Variants in MCM9 observed in about 807,000 individuals in gnomAD.
The protein encoded by MCM9 is minichromosome maintenance 9 homologous recombination repair factor.
Under a neutral mutation model 72.8 loss-of-function variants are expected in MCM9, and 55 were observed. That is an observed-to-expected ratio of 0.76 (90% CI 0.61 to 0.95). MCM9 has a LOEUF of 0.95. MCM9 is among the 40% of genes least tolerant of loss of function. The pLI is 0.00. For synonymous variants in MCM9, 480 were observed against 503.4 expected, an observed-to-expected ratio of 0.95 and a Z score of 0.62; for missense variants, 1,279 against 1,377.0, an observed-to-expected ratio of 0.93 and a Z score of 1.13.
Position 118,826,825 on chromosome 6 carries a change from T to C in MCM9, c.1772A>G (p.Glu591Gly), listed in dbSNP as rs1774200475. The C allele has an allele frequency of 6.4e-7, 1 of 1,550,486 alleles. No individual in the cohort carries two copies. The highest frequency in any genetic ancestry group is 8.7e-7 in the Non-Finnish European group (1 of 1,146,924). Reference sequence around the variant, plus strand: ...GACTGACACCACCGTAATAGCGTCTTCCAGAGTTACAGTATCACGAAACAT... The same window carrying C: ...GACTGACACCACCGTAATAGCGTCTCCCAGAGTTACAGTATCACGAAACAT... ...RLMFRDTVTL[E>G]DAITVVSVME... Residue 591 changes from glutamate to glycine, a missense_variant, in exon 12 of 14, where the codon GAA becomes GGA. Glu to Gly is a moderately conservative substitution (Grantham distance 98, BLOSUM62 -2). Coordinates refer to ENST00000619706, the MANE Select transcript of MCM9 (RefSeq NM_017696.3).
At chr6:118,910,329 TTTGGG>T (rs1562434297) in intron 8 of MCM9, among the ~76,000 whole-genome samples, 1 of 152,130 alleles carries the variant, frequency 6.6e-6, no homozygotes, top group East Asian at 1.9e-4. Flanking sequence ...AGCGTGGCCC[TTTGGG>T]TAGACCAGAA....
At chr6:118,831,154 A>G (rs1468132182) in intron 9 of MCM9, among the ~76,000 whole-genome samples, 1 of 152,114 alleles carries the variant, frequency 6.6e-6, no homozygotes, top group Non-Finnish European at 1.5e-5. Flanking sequence ...GGAGTTTGAA[A>G]CCAGCCTAGT....
chr6:118,894,513 C>T (rs1274491480), intron 8 of MCM9: 3 of 1,536,916 alleles, frequency 2.0e-6, no homozygotes, highest in African/African-American at 2.7e-5. Context: ...CATCGAGGAC[C>T]TGTCTGAAGG....
chr6:118,911,436 G>T, intron 8 of MCM9: 2 of 1,282,760 alleles, frequency 1.6e-6, no homozygotes, highest in Non-Finnish European at 2.0e-6. Context: ...AATTGAATAG[G>T]ATTGTTCAAA....
chr6:118,911,364 T>G (rs1780532701), intron 8 of MCM9: 4 of 1,111,854 alleles, frequency 3.6e-6, no homozygotes, highest in Non-Finnish European at 4.4e-6. Context: ...CTTGATAAAA[T>G]GCCAGATGAT....
intron 4 of MCM9, among the ~76,000 whole-genome samples, chr6:118,923,350 C>T (rs1781595494): frequency 6.6e-6 from 1 of 151,326 alleles, no homozygotes; most frequent in East Asian, 1.9e-4. Flanking sequence ...GATGCATGAT[C>T]CATAGCTCAC....
chr6:118,838,812 G>A (rs1011664219), intron 9 of MCM9, among the ~76,000 whole-genome samples: 4 of 152,180 alleles, frequency 2.6e-5, no homozygotes, highest in African/African-American at 9.7e-5. Context: ...TTAGTCTGAT[G>A]GGTTTCCCTT....
chr6:118,834,099 T>C (rs947182470), intron 9 of MCM9, among the ~76,000 whole-genome samples: 1 of 152,068 alleles, frequency 6.6e-6, no homozygotes, highest in Non-Finnish European at 1.5e-5. Context: ...CACTTATAAG[T>C]GAGAACATGC....
intron 8 of MCM9, among the ~76,000 whole-genome samples, chr6:118,881,283 T>C (rs1397095491): frequency 6.6e-6 from 1 of 152,118 alleles, no homozygotes; most frequent in Admixed American, 6.5e-5. Flanking sequence ...CCCACCTTTT[T>C]CAATCCTGAC....
chr6:118,913,059 A>G (rs972072998), intron 7 of MCM9: 1 of 463,890 alleles, frequency 2.2e-6, no homozygotes. Flanking sequence ...CTTATAGGCT[A>G]TAGCAAAAGT....
intron 8 of MCM9, among the ~76,000 whole-genome samples, chr6:118,877,237 C>G (rs1777993333): frequency 6.6e-6 from 1 of 152,144 alleles, no homozygotes; most frequent in South Asian, 2.1e-4. Flanking sequence ...GCTGCCACAG[C>G]TGATGCACAT....
chr6:118,905,834 G>A (rs1341504353), intron 8 of MCM9: 8 of 1,575,200 alleles, frequency 5.1e-6, no homozygotes, highest in Non-Finnish European at 6.9e-6. Context: ...CTAAGGTAAT[G>A]TTCTTACTAT....
chr6:118,834,205 G>T (rs963632823), intron 9 of MCM9, among the ~76,000 whole-genome samples: 1 of 152,072 alleles, frequency 6.6e-6, no homozygotes, highest in South Asian at 2.1e-4. Context: ...ATCCTTTATG[G>T]CTGCATAGTA....
chr6:118,815,838 T>G lies in MCM9; in HGVS notation c.2418A>C (p.Thr806=). The G allele has an allele frequency of 6.5e-7, 1 of 1,539,824 alleles. No individual in the cohort carries two copies. The highest frequency in any genetic ancestry group is 8.7e-7 in the Non-Finnish European group (1 of 1,147,018). Residue 806 remains threonine (T), a synonymous_variant, in exon 14 of 14, where the codon ACA becomes ACC. Transcript: ENST00000619706. ...CATTGTCTGCCCTCCATGGAACACC[T>G]GTCTCTCCTGGTGATGGAAGCAACC... The part of the protein sequence containing the change: ...DIGLLPSPGE[T]GVPWRADNVE...
chr6:118,844,026 T>C (rs780792905), intron 9 of MCM9, among the ~76,000 whole-genome samples: 2 of 151,450 alleles, frequency 1.3e-5, no homozygotes, highest in African/African-American at 4.9e-5. Context: ...AGGATTCCTA[T>C]TGTAGGTGGA....
intron 13 of MCM9, among the ~76,000 whole-genome samples, chr6:118,823,190 C>T (rs1341264452): frequency 6.6e-6 from 1 of 152,142 alleles, no homozygotes; most frequent in Non-Finnish European, 1.5e-5. Context: ...AGTGTCTGCC[C>T]AAATTGCCAC....
intron 8 of MCM9, chr6:118,894,572 T>C (rs775262274): frequency 4.1e-6 from 6 of 1,452,668 alleles, no homozygotes; most frequent in Middle Eastern, 1.8e-4. Flanking sequence ...GCTGCAGACG[T>C]TGAAAGTTTC....
intron 6 of MCM9, 57 bp downstream of exon 6, chr6:118,917,504 T>G: frequency 6.6e-7 from 1 of 1,512,856 alleles, no homozygotes; most frequent in Admixed American, 1.7e-5. Flanking sequence ...GACATCATAT[T>G]TAACCACTGA....
chr6:118,831,357 A>G (rs1271897733), intron 9 of MCM9, among the ~76,000 whole-genome samples: 1 of 151,972 alleles, frequency 6.6e-6, no homozygotes, highest in Non-Finnish European at 1.5e-5. Flanking sequence ...AAAAAAAAAA[A>G]AAAAGTTGGG....
Sources: allele counts gnomAD v4.1 joint callset (sites outside exome capture counted in the v4.1 genomes callset), GRCh38; gene constraint gnomAD v4.1.1; transcripts MANE v1.5; gene names NCBI Gene and HGNC (gene_info 2026-07-23, HGNC 2026-07-21).